Variants in FHIT observed in about 807,000 individuals in gnomAD.
FHIT encodes the protein bis(5'-adenosyl)-triphosphatase.
In FHIT, 19 loss-of-function variants were observed where a neutral mutation model predicts 17.9. The observed-to-expected ratio is 1.06, with a 90% CI of 0.74 to 1.56. FHIT has a LOEUF of 1.56. FHIT is among the 40% of genes most tolerant of loss of function. The pLI, the probability that FHIT is intolerant of heterozygous loss-of-function variation, is 0.00. For missense variants in FHIT, 248 were observed against 189.2 expected (o/e 1.31, Z -1.82); for synonymous variants, 81 against 69.7 (o/e 1.16, Z -0.81).
intron 8 of FHIT, among the ~76,000 whole-genome samples, chr3:59,827,771 C>A (rs1293738637): frequency 6.6e-6 from 1 of 152,198 alleles, no homozygotes; most frequent in African/African-American, 2.4e-5. Context: ...TTTCAGTTTT[C>A]ATTTACTTTG....
At chr3:60,859,100 A>G (rs148502926) in intron 3 of FHIT, among the ~76,000 whole-genome samples, 397 of 152,286 alleles carry the variant, frequency 2.6e-3, no homozygotes, top group Non-Finnish European at 4.1e-3. Flanking sequence ...TGGTATTTAC[A>G]GCTTTTGTTT....
At chr3:60,652,245 A>G (rs1415931823) in intron 4 of FHIT, among the ~76,000 whole-genome samples, 1 of 152,210 alleles carries the variant, frequency 6.6e-6, no homozygotes, top group East Asian at 1.9e-4. Context: ...GCCTGAGGCC[A>G]AGCACCAGCT....
intron 8 of FHIT, among the ~76,000 whole-genome samples, chr3:59,769,287 G>T (rs1701956211): frequency 6.6e-6 from 1 of 152,188 alleles, no homozygotes; most frequent in African/African-American, 2.4e-5. Context: ...CTCGGAGTGT[G>T]TTTTGGGTGA....
intron 2 of FHIT, among the ~76,000 whole-genome samples, chr3:61,108,283 G>C (rs1253327369): frequency 1.3e-5 from 2 of 152,066 alleles, no homozygotes; most frequent in Non-Finnish European, 2.9e-5. Flanking sequence ...TCAAAAAAAA[G>C]TGCTGCTACC....
chr3:60,166,795 G>A (rs1236926402), intron 5 of FHIT, among the ~76,000 whole-genome samples: 1 of 152,004 alleles, frequency 6.6e-6, no homozygotes, highest in Non-Finnish European at 1.5e-5. Context: ...CATTTTCTTT[G>A]GTGAGCTTAA....
At chr3:61,091,936 TAAAAAAAAAAAAAA>T (rs58005720) in intron 2 of FHIT, among the ~76,000 whole-genome samples, 2 of 61,276 alleles carry the variant, frequency 3.3e-5, no homozygotes, top group African/African-American at 1.5e-4. Context: ...AGACCTTGTC[TAAAAAAAAAAAAAA>T]AAAAAAAAAA....
intron 5 of FHIT, among the ~76,000 whole-genome samples, chr3:60,106,735 C>T (rs2107161783): frequency 6.6e-6 from 1 of 152,294 alleles, no homozygotes; most frequent in South Asian, 2.1e-4. Flanking sequence ...ATTGGTCTCT[C>T]CCTTTCAGGA....
At chr3:59,949,605 T>A (rs1707010692) in intron 7 of FHIT, among the ~76,000 whole-genome samples, 1 of 152,192 alleles carries the variant, frequency 6.6e-6, no homozygotes, top group African/African-American at 2.4e-5. Context: ...CTCAGATGTG[T>A]TAGTGATTAA....
At chr3:60,478,200 C>A (rs1361650772) in intron 5 of FHIT, among the ~76,000 whole-genome samples, 1 of 152,132 alleles carries the variant, frequency 6.6e-6, no homozygotes, top group Non-Finnish European at 1.5e-5. Context: ...ATCCCACTTA[C>A]AGATGAAGAA....
intron 5 of FHIT, among the ~76,000 whole-genome samples, chr3:60,198,236 C>T (rs1702735822): frequency 1.3e-5 from 2 of 152,084 alleles, no homozygotes; most frequent in Admixed American, 6.6e-5. Flanking sequence ...ATGGCACTAA[C>T]TTTCATCAAA....
intron 8 of FHIT, among the ~76,000 whole-genome samples, chr3:59,904,535 T>G (rs1248451293): frequency 6.6e-6 from 1 of 152,186 alleles, no homozygotes; most frequent in Non-Finnish European, 1.5e-5. Flanking sequence ...ATGTAGGATT[T>G]TTCTTCTCAG....
At chr3:60,252,752 AG>A (rs1469555873) in intron 5 of FHIT, among the ~76,000 whole-genome samples, 1 of 152,066 alleles carries the variant, frequency 6.6e-6, no homozygotes, top group East Asian at 1.9e-4. Flanking sequence ...GCACTTTGGG[AG>A]GCCGAGGCCG....
chr3:61,099,936 G>A (rs1048887692), intron 2 of FHIT, among the ~76,000 whole-genome samples: 1 of 152,016 alleles, frequency 6.6e-6, no homozygotes, highest in Non-Finnish European at 1.5e-5. Flanking sequence ...TTTACACCAG[G>A]AATGTATGAA....
chr3:60,949,930 T>C (rs1441130505), intron 3 of FHIT, among the ~76,000 whole-genome samples: 1 of 152,196 alleles, frequency 6.6e-6, no homozygotes, highest in Non-Finnish European at 1.5e-5. Context: ...GGTATAGCCA[T>C]AAAGTGGAAT....
intron 4 of FHIT, among the ~76,000 whole-genome samples, chr3:60,570,635 T>C (rs2594254): frequency 0.44 from 65,924 of 150,618 alleles, 14,693 homozygotes; most frequent in East Asian, 0.55. Flanking sequence ...TTTGGCATAA[T>C]ACAGCAATTA....
At chr3:61,247,669 TAAGAA>T (rs2040520499) in intron 1 of FHIT, among the ~76,000 whole-genome samples, 1 of 152,204 alleles carries the variant, frequency 6.6e-6, no homozygotes, top group South Asian at 2.1e-4. Context: ...TGTGCTACTC[TAAGAA>T]AACAAGTGGC....
At chr3:60,220,127 C>A (rs532715175) in intron 5 of FHIT, among the ~76,000 whole-genome samples, 1 of 151,962 alleles carries the variant, frequency 6.6e-6, no homozygotes, top group Non-Finnish European at 1.5e-5. Flanking sequence ...AGATGAAAAA[C>A]AATAATAAGG....
chr3:61,034,374 G>T (rs558997368), intron 3 of FHIT, among the ~76,000 whole-genome samples: 4 of 152,122 alleles, frequency 2.6e-5, no homozygotes, highest in Admixed American at 2.0e-4. Flanking sequence ...TTTGACAAGG[G>T]TCTAGTATCC....
chr3:60,918,869 G>A (rs1707140726), intron 3 of FHIT, among the ~76,000 whole-genome samples: 1 of 152,064 alleles, frequency 6.6e-6, no homozygotes, highest in East Asian at 1.9e-4. Context: ...CAATCTGAAT[G>A]GCATTATTTT....
Sources: allele counts gnomAD v4.1 joint callset (sites outside exome capture counted in the v4.1 genomes callset), GRCh38; gene constraint gnomAD v4.1.1; transcripts MANE v1.5; gene names NCBI Gene and HGNC (gene_info 2026-07-23, HGNC 2026-07-21).